Variants in MYO18B observed in about 807,000 individuals in gnomAD.
MYO18B encodes unconventional myosin-XVIIIb.
MYO18B carries 204 observed loss-of-function variants against 273.0 expected under a neutral mutation model. That is an observed-to-expected ratio of 0.75 (90% confidence interval 0.67 to 0.84). MYO18B has a LOEUF of 0.84. Among genes scored for constraint, MYO18B ranks in the 40% least tolerant of loss-of-function variants. The pLI is 0.00. For synonymous variants in MYO18B, 1,330 were observed against 1,305.7 expected (o/e 1.02, Z -0.40); for missense variants, 3,212 against 3,287.6 (o/e 0.98, Z 0.56).
At chr22:25,931,969 TCA>T (rs2092509832) in intron 34 of MYO18B, among the ~76,000 whole-genome samples, 1 of 151,954 alleles carries the variant, frequency 6.6e-6, no homozygotes, top group Non-Finnish European at 1.5e-5. Context: ...ACTCCTGGGC[TCA>T]AGCGATCCTC....
the MYO18B span, among the ~76,000 whole-genome samples, chr22:26,054,278 G>A: frequency 3.9e-5 from 6 of 152,256 alleles, no homozygotes; most frequent in East Asian, 1.2e-3. Flanking sequence ...TTGCCCTGTG[G>A]AAAGGGGCTG....
At chr22:25,931,774 T>G (rs2092506557) in intron 34 of MYO18B, among the ~76,000 whole-genome samples, 1 of 150,716 alleles carries the variant, frequency 6.6e-6, no homozygotes, top group Non-Finnish European at 1.5e-5. Context: ...CCTCAACATT[T>G]CAGGCTCAAG....
chr22:25,882,343 A>G (rs2091362643), intron 25 of MYO18B, among the ~76,000 whole-genome samples: 1 of 140,922 alleles, frequency 7.1e-6, no homozygotes, highest in Non-Finnish European at 1.5e-5. Context: ...TCATAGACAT[A>G]TTGCATGTAG....
chr22:25,820,895 T>G (rs1801354619), intron 12 of MYO18B, among the ~76,000 whole-genome samples: 1 of 152,218 alleles, frequency 6.6e-6, no homozygotes, highest in African/African-American at 2.4e-5. Flanking sequence ...ATGAAATCTT[T>G]TTTTTTAGCT....
chr22:26,014,357 A>G lies in MYO18B; in HGVS notation c.6470+9502A>G, dbSNP rs551251264. Among the ~76,000 whole-genome samples the G allele has an allele frequency of 5.9e-5, 9 of 152,292 alleles. No homozygotes were observed. The East Asian group carries it at 1.2e-3, about 20-fold the overall frequency. ...TCTGTCTATTCTATTTCACTTTTCT[A>G]TGTGTCCATCCTTGAACCAATATAG... On this transcript the variant is annotated intron_variant, in intron 42 of 43. Coordinates refer to ENST00000335473, the MANE Select transcript of MYO18B (RefSeq NM_032608.7).
chr22:25,821,303 CTTT>C (rs59356967), intron 12 of MYO18B, among the ~76,000 whole-genome samples: 1 of 144,642 alleles, frequency 6.9e-6, no homozygotes. Flanking sequence ...CTAAGAGTTC[CTTT>C]TTTTTTTTTT....
At chr22:25,766,956 A>G (rs1468692077) in intron 3 of MYO18B, among the ~76,000 whole-genome samples, 1 of 152,160 alleles carries the variant, frequency 6.6e-6, no homozygotes, top group African/African-American at 2.4e-5. Context: ...AGAGACATAG[A>G]TGTGAAGCTT....
At position 25,780,053 on chromosome 22, in the gene MYO18B, C is replaced by T; in HGVS notation, c.2069-3C>T. ...ACATGTGGCCCCATGCTGCCCCCAACAGTGGAGAAGATCCGAGCCACCTTC... is the reference window on the plus strand; with the variant it reads ...ACATGTGGCCCCATGCTGCCCCCAATAGTGGAGAAGATCCGAGCCACCTTC... On this transcript the variant is annotated splice_region_variant and splice_polypyrimidine_tract_variant and intron_variant, in intron 8 of 43. Transcript: ENST00000335473. 1 of 1,586,386 alleles carries T rather than the reference C, an allele frequency of 6.3e-7. No homozygotes were observed. Among genetic ancestry groups the T allele is most frequent in the South Asian group, 1.1e-5 (1 of 87,100 alleles).
At chr22:25,933,555 G>A (rs1462204077) in intron 34 of MYO18B, among the ~76,000 whole-genome samples, 4 of 152,076 alleles carry the variant, frequency 2.6e-5, no homozygotes, top group African/African-American at 9.7e-5. Context: ...CTCTATTTAT[G>A]CATGTGAGCT....
At position 25,955,350 on chromosome 22, in the gene MYO18B, C is replaced by T. The variant is rs761659558; in HGVS notation, c.6142C>T (p.Arg2048Trp). Residue 2048 changes from arginine (R) to tryptophan (W), a missense_variant, in exon 39 of 44, where the codon CGG becomes TGG. Transcript: ENST00000335473. Reference protein sequence around the residue: ...LVQREAEASRRCMELEKYVEE... With the variant: ...LVQREAEASRWCMELEKYVEE... ...GCAGCGGGAGGCAGAGGCCAGCCGG[C>T]GGTGCATGGAGCTGGTGAGTCCTGT... is the stretch of plus-strand genomic sequence containing the variant. The T allele has an allele frequency of 9.9e-6, 16 of 1,612,728 alleles. No individual in the cohort carries two copies. The highest frequency in any genetic ancestry group is 2.2e-5 in the East Asian group (1 of 44,882).
intron 21 of MYO18B, among the ~76,000 whole-genome samples, chr22:25,865,452 CTTCA>C (rs2090858593): frequency 6.6e-6 from 1 of 152,178 alleles, no homozygotes; most frequent in Non-Finnish European, 1.5e-5. Context: ...AAATGGGGGC[CTTCA>C]TTCATGTTTT....
rs372953793 is a variant in MYO18B, at chr22:25,864,755, G to C, written c.3886-3565G>C. Among the ~76,000 whole-genome samples, 326 of 152,344 alleles carry C rather than the reference G, an allele frequency of 2.1e-3. 18 individuals are homozygous for C. In the South Asian group the frequency reaches 0.066, roughly 31 times the overall value. On this transcript the variant is annotated intron_variant, in intron 21 of 43. Coordinates refer to ENST00000335473, the MANE Select transcript of MYO18B (RefSeq NM_032608.7). Reference sequence around the variant, plus strand: ...AACAAAACAAGTTATGTGTAAAGCAGTTGGAGCAGGGCTCAGACTCAAAAA... The same window carrying C: ...AACAAAACAAGTTATGTGTAAAGCACTTGGAGCAGGGCTCAGACTCAAAAA...
intron 39 of MYO18B, among the ~76,000 whole-genome samples, chr22:25,960,026 G>T (rs1354573378): frequency 6.6e-6 from 1 of 152,172 alleles, no homozygotes; most frequent in African/African-American, 2.4e-5. Context: ...CACTGTTGGT[G>T]TTGGTTTAAA....
intron 21 of MYO18B, 142 bp from the exon 22 acceptor site, chr22:25,868,178 G>C: frequency 1.5e-6 from 1 of 673,300 alleles, no homozygotes; most frequent in East Asian, 2.7e-5. Context: ...CCTGTGTGAG[G>C]TGGGGCTCTG....
intron 1 of MYO18B, among the ~76,000 whole-genome samples, chr22:25,759,560 C>A (rs182138807): frequency 1.0e-3 from 156 of 152,222 alleles, no homozygotes; most frequent in African/African-American, 3.5e-3. Flanking sequence ...AGGAGAAATA[C>A]CTAATGTAGA....
intron 11 of MYO18B, among the ~76,000 whole-genome samples, chr22:25,795,701 G>A (rs1451974151): frequency 6.6e-6 from 1 of 152,106 alleles, no homozygotes; most frequent in Admixed American, 6.6e-5. Flanking sequence ...ATCCTGTGGC[G>A]GCCCAGAAAT....
In MYO18B at chr22:25,812,041, T is replaced by A. The variant is rs1023724408; in HGVS notation, c.2522-11464T>A. Among the ~76,000 whole-genome samples, 8 of 152,184 alleles carry A rather than the reference T, an allele frequency of 5.3e-5. 1 individual carries two copies. The Middle Eastern group carries it at 0.01, about 194-fold the overall frequency. ...GTGGGGAAGCTGAGGCTCAGAGAGG[T>A]GCAGCCACTAATTCAGGGTCACACA... On this transcript the variant is annotated intron_variant, in intron 12 of 43. Coordinates refer to ENST00000335473, the MANE Select transcript of MYO18B (RefSeq NM_032608.7).
At chr22:25,762,557 G>T (rs1158503395) in intron 2 of MYO18B, among the ~76,000 whole-genome samples, 5 of 152,262 alleles carry the variant, frequency 3.3e-5, no homozygotes, top group Non-Finnish European at 5.9e-5. Flanking sequence ...AGCCAGTGCT[G>T]GCCTAGGCCG....
intron 33 of MYO18B, among the ~76,000 whole-genome samples, chr22:25,915,291 T>C (rs1165214550): frequency 6.6e-6 from 1 of 152,214 alleles, no homozygotes; most frequent in East Asian, 1.9e-4. Context: ...ATTTCATCAT[T>C]GTGGGAACAT....
Sources: allele counts gnomAD v4.1 joint callset (sites outside exome capture counted in the v4.1 genomes callset), GRCh38; gene constraint gnomAD v4.1.1; transcripts MANE v1.5; gene names NCBI Gene and HGNC (gene_info 2026-07-23, HGNC 2026-07-21).